ZNF385D: variants seen among roughly 807,000 people sequenced by gnomAD.
ZNF385D encodes zinc finger protein 385D.
ZNF385D carries 15 observed loss-of-function variants against 35.8 expected under a neutral mutation model. The observed-to-expected ratio is 0.42, with a 90% CI of 0.28 to 0.64. The LOEUF is 0.64. Among genes scored for constraint, ZNF385D ranks in the 30% least tolerant of loss-of-function variants. The probability of loss-of-function intolerance (pLI) is 0.23; values close to 1 mark genes in which losing one functional copy is unlikely to be tolerated. For synonymous variants in ZNF385D, 212 were observed against 186.8 expected (o/e 1.13, Z -1.10); for missense variants, 474 against 494.6 (o/e 0.96, Z 0.39).
At chr3:22,154,079 T>G (rs935010894) in intron 3 of ZNF385D, among the ~76,000 whole-genome samples, 3 of 152,156 alleles carry the variant, frequency 2.0e-5, no homozygotes, top group African/African-American at 7.2e-5. Context: ...AAGCCTTATG[T>G]GAATTGGGAG....
At chr3:21,979,100 T>G (rs952693660) in intron 3 of ZNF385D, among the ~76,000 whole-genome samples, 4 of 152,144 alleles carry the variant, frequency 2.6e-5, no homozygotes, top group African/African-American at 9.7e-5. Flanking sequence ...CATGCCAATT[T>G]TTTTTCAATG....
At chr3:21,811,247 T>G (rs2072907935) in intron 3 of ZNF385D, among the ~76,000 whole-genome samples, 1 of 152,080 alleles carries the variant, frequency 6.6e-6, no homozygotes, top group South Asian at 2.1e-4. Context: ...ACAGCAGCAA[T>G]GAACACCCTG....
At chr3:21,923,039 A>AT (rs35608841) in intron 3 of ZNF385D, among the ~76,000 whole-genome samples, 81,129 of 151,874 alleles carry the variant, frequency 0.53, 23,752 homozygotes, top group South Asian at 0.66. Context: ...AATGCTTCAC[A>AT]TTTTTTTATT....
intron 3 of ZNF385D, among the ~76,000 whole-genome samples, chr3:21,920,736 C>T (rs1364691784): frequency 6.6e-6 from 1 of 151,990 alleles, no homozygotes; most frequent in Non-Finnish European, 1.5e-5. Flanking sequence ...CAACTCTCCC[C>T]ACACTGGCGC....
chr3:21,680,178 G>C (rs1031859380), intron 1 of ZNF385D, among the ~76,000 whole-genome samples: 7 of 151,824 alleles, frequency 4.6e-5, no homozygotes, highest in Non-Finnish European at 1.0e-4. Flanking sequence ...ATTCCTCTCA[G>C]ATTTACTTCT....
chr3:22,247,526 A>C (rs1576558792), intron 2 of ZNF385D, among the ~76,000 whole-genome samples: 1 of 152,182 alleles, frequency 6.6e-6, no homozygotes, highest in Non-Finnish European at 1.5e-5. Context: ...CATACGGTAT[A>C]ATTTCTTGAA....
In ZNF385D at chr3:22,137,621, C is replaced by A. The variant is rs1266081963; in HGVS notation, c.325+31196G>T. Reference sequence around the variant, plus strand: ...AAGGCCTTTGACAAAATTCAACAGCCCTTCATGCTAAAAGCTCTCAATAAA... The same window carrying A: ...AAGGCCTTTGACAAAATTCAACAGCACTTCATGCTAAAAGCTCTCAATAAA... On this transcript the variant is annotated intron_variant, in intron 3 of 5. Coordinates refer to the ZNF385D transcript ENST00000494108. Among the ~76,000 whole-genome samples, 4 of 152,260 alleles carry A rather than the reference C, an allele frequency of 2.6e-5. No individual in the cohort carries two copies. In the East Asian group the frequency reaches 7.7e-4, roughly 29 times the overall value.
chr3:22,307,220 G>A (rs2125421411), intron 2 of ZNF385D, among the ~76,000 whole-genome samples: 1 of 152,208 alleles, frequency 6.6e-6, no homozygotes, highest in South Asian at 2.1e-4. Context: ...GGTGGGAAGT[G>A]TTTGAGAGTC....
intron 1 of ZNF385D, among the ~76,000 whole-genome samples, chr3:21,685,399 A>G (rs949961268): frequency 5.3e-5 from 8 of 152,204 alleles, no homozygotes; most frequent in African/African-American, 1.2e-4. Context: ...GTACAGCCTA[A>G]GAGTTCATAA....
At chr3:22,344,141 A>C (rs1259071703) in intron 2 of ZNF385D, among the ~76,000 whole-genome samples, 1 of 148,586 alleles carries the variant, frequency 6.7e-6, no homozygotes, top group Non-Finnish European at 1.5e-5. Flanking sequence ...TTGTGTTTTG[A>C]AGAATTTTTA....
intron 2 of ZNF385D, among the ~76,000 whole-genome samples, chr3:22,254,736 C>T (rs922249554): frequency 6.6e-5 from 10 of 151,718 alleles, no homozygotes; most frequent in Admixed American, 6.6e-4. Context: ...AATATGCCAG[C>T]ATTACTTCTG....
In ZNF385D at chr3:22,222,951, G is replaced by T. The variant is rs552330156; in HGVS notation, c.107-53916C>A. ...TGATATTCAGTTTTTGTGTGGCTTT[G>T]TTTAGTCATTGATAAGTATCCCTGA... On this transcript the variant is annotated intron_variant, in intron 2 of 5. Transcript: ENST00000494108. 1.6e-3 allele frequency among the ~76,000 whole-genome samples: 244 copies of T among 152,142 alleles called. 3 individuals carry two copies. The highest frequency in any genetic ancestry group is 0.014 in the Middle Eastern group (4 of 294).
chr3:22,345,268 T>C (rs1575163932), intron 2 of ZNF385D, among the ~76,000 whole-genome samples: 1 of 152,342 alleles, frequency 6.6e-6, no homozygotes, highest in East Asian at 1.9e-4. Flanking sequence ...CCATACCAGA[T>C]ACAGAGCAAA....
chr3:21,501,977 TCAAAAA>T (rs1244462608), intron 4 of ZNF385D, among the ~76,000 whole-genome samples: 1 of 152,126 alleles, frequency 6.6e-6, no homozygotes, highest in Non-Finnish European at 1.5e-5. Flanking sequence ...AGAAAGACAG[TCAAAAA>T]CACACTGTAT....
At chr3:22,320,112 A>G (rs1694342832) in intron 2 of ZNF385D, among the ~76,000 whole-genome samples, 1 of 151,236 alleles carries the variant, frequency 6.6e-6, no homozygotes, top group African/African-American at 2.4e-5. Context: ...CTGGTGCTCT[A>G]TACATCCTCA....
At chr3:21,731,508 C>T (rs906105312) in intron 1 of ZNF385D, among the ~76,000 whole-genome samples, 3 of 152,166 alleles carry the variant, frequency 2.0e-5, no homozygotes, top group Non-Finnish European at 4.4e-5. Flanking sequence ...CATGTCATAA[C>T]TACCCAGAGT....
intron 3 of ZNF385D, among the ~76,000 whole-genome samples, chr3:21,758,996 A>AAAAC (rs2070478112): frequency 6.7e-6 from 1 of 148,530 alleles, no homozygotes; most frequent in Non-Finnish European, 1.5e-5. Context: ...AAAAAAAAAA[A>AAAAC]AAAAAAAAAA....
At chr3:21,971,257 TACA>T (rs1319565520) in intron 3 of ZNF385D, among the ~76,000 whole-genome samples, 9 of 151,940 alleles carry the variant, frequency 5.9e-5, no homozygotes, top group African/African-American at 1.7e-4. Flanking sequence ...AAATAATAAC[TACA>T]ACAACTTAAG....
intron 2 of ZNF385D, among the ~76,000 whole-genome samples, chr3:22,229,789 A>G (rs182203127): frequency 6.6e-6 from 1 of 152,186 alleles, no homozygotes; most frequent in East Asian, 1.9e-4. Flanking sequence ...TTATCAAGGC[A>G]GGGTCTCTGA....
Sources: gnomAD v4.1 joint callset for allele counts (sites outside exome capture counted in the v4.1 genomes callset) on GRCh38, gnomAD v4.1.1 for gene constraint, MANE v1.5 for transcripts, NCBI Gene and HGNC (gene_info 2026-07-23, HGNC 2026-07-21) for gene names.